Variants in RAG2 observed in about 807,000 individuals in gnomAD.
The protein encoded by RAG2 is V(D)J recombination-activating protein 2.
RAG2 carries 16 observed loss-of-function variants against 31.8 expected under a neutral mutation model. The observed-to-expected ratio is 0.50, with a 90% CI of 0.34 to 0.76. RAG2 has a LOEUF of 0.76. RAG2 is among the 30% of genes least tolerant of loss of function. RAG2 has a pLI of 0.01. For missense variants in RAG2, 622 were observed against 628.5 expected (o/e 0.99, Z 0.11); for synonymous variants, 199 against 215.9 (o/e 0.92, Z 0.68).
chr11:36,597,219 T>C (rs1851305100), intron 1 of RAG2, among the ~76,000 whole-genome samples: 1 of 152,220 alleles, frequency 6.6e-6, no homozygotes, highest in Non-Finnish European at 1.5e-5. Context: ...CTTTATCAAC[T>C]TGAATATATT....
chr11:36,593,304 T>C lies in RAG2; in HGVS notation c.865A>G (p.Ile289Val). ...ATCTTGTTGTCCTCTAAAGAGATGA[T>C]GTTGCAGATCATTCTTTTTTGATTT... is the stretch of plus-strand genomic sequence containing the variant. ...LENQKRMICN[I>V]ISLEDNKIEI... Residue 289 changes from isoleucine (I) to valine (V), a missense_variant, in exon 2 of 2, where the codon ATC becomes GTC. Ile to Val is a conservative substitution (Grantham distance 29). Transcript: ENST00000311485. The C allele has an allele frequency of 6.2e-7, 1 of 1,614,160 alleles. No individual in the cohort carries two copies. The highest frequency in any genetic ancestry group is 8.5e-7 in the Non-Finnish European group (1 of 1,180,014).
At position 36,593,064 on chromosome 11, in the gene RAG2, T is replaced by C; in HGVS notation, c.1105A>G (p.Thr369Ala). 6.2e-7 allele frequency: 1 copy of C among 1,614,212 alleles called. No individual in the cohort carries two copies. The highest frequency in any genetic ancestry group is 8.5e-7 in the Non-Finnish European group (1 of 1,180,018). The change falls in exon 2 of 2, where the codon ACA becomes GCA. Residue 369 changes from threonine to alanine, a missense_variant. Physicochemically the swap from Thr to Ala is moderately conservative, Grantham distance 58. Coordinates refer to ENST00000311485, the MANE Select transcript of RAG2 (RefSeq NM_000536.4). Reference protein sequence around the residue: ...QTTFTNSQTSTEDPGDSTPFE... With the variant: ...QTTFTNSQTSAEDPGDSTPFE... ...GGAGTGGAATCCCCTGGATCTTCTG[T>C]TGATGTTTGACTGTTTGTGAATGTT...
chr11:36,594,040 A>G lies in RAG2; in HGVS notation c.129T>C (p.Thr43=). The stretch of plus-strand genomic sequence containing the variant: ...GCTTTACATCCAGATGGAAAACTCC[A>G]GTGGGGCAGGATCTTTTGGGCCAGC... ...QKGWPKRSCP[T]GVFHLDVKHN... Residue 43 remains threonine (T), a synonymous_variant, in exon 2 of 2, where the codon ACT becomes ACC. Coordinates refer to ENST00000311485, the MANE Select transcript of RAG2 (RefSeq NM_000536.4). The G allele has an allele frequency of 1.2e-6, 2 of 1,614,190 alleles. No individual in the cohort carries two copies. Among genetic ancestry groups the G allele is most frequent in the South Asian group, 2.2e-5 (2 of 91,090 alleles).
intron 1 of RAG2, 172 bp from the exon 2 acceptor site, chr11:36,594,367 C>A: frequency 1.6e-6 from 1 of 608,898 alleles, no homozygotes; most frequent in South Asian, 2.0e-5. Flanking sequence ...ACCTTTACTG[C>A]CATTCCATCC....
downstream of RAG2, among the ~76,000 whole-genome samples, chr11:36,591,115 T>C (rs1300513238): frequency 1.3e-5 from 2 of 152,244 alleles, no homozygotes; most frequent in East Asian, 3.9e-4. Context: ...ATATAGGTGA[T>C]GGAAACAACA....
At chr11:36,591,248 T>C (rs944031324), downstream of RAG2, among the ~76,000 whole-genome samples, 1 of 152,172 alleles carries the variant, frequency 6.6e-6, no homozygotes, top group African/African-American at 2.4e-5. Flanking sequence ...CATGGAACTT[T>C]CAGCAGAAGA....
Position 36,593,077 on chromosome 11 carries a change from G to A in RAG2, c.1092C>T (p.Asn364=). 1.2e-6 allele frequency: 2 copies of A among 1,614,046 alleles called. No homozygotes were observed. The highest frequency in any genetic ancestry group is 8.5e-7 in the Non-Finnish European group (1 of 1,179,912). ...CTGGATCTTCTGTTGATGTTTGACT[G>A]TTTGTGAATGTTGTCTGCTCTTCAT... ...DTNEEQTTFT[N]SQTSTEDPGD... Residue 364 remains asparagine (N), a synonymous_variant, in exon 2 of 2, where the codon AAC becomes AAT. Coordinates refer to ENST00000311485, the MANE Select transcript of RAG2 (RefSeq NM_000536.4).
intron 1 of RAG2, chr11:36,597,589 A>G (rs1460212861): frequency 1.3e-5 from 2 of 152,202 alleles, no homozygotes; most frequent in East Asian, 3.9e-4. Context: ...GACTCATAGT[A>G]TGAGGTCTGG....
chr11:36,594,512 T>C, intron 1 of RAG2: 1 of 317,630 alleles, frequency 3.1e-6, no homozygotes, highest in Non-Finnish European at 5.9e-6. Context: ...CTCTCTGGGA[T>C]GTGTAGCTTT....
In RAG2 at chr11:36,592,578, T is replaced by C. The variant is rs752922147; in HGVS notation, c.*7A>G. On this transcript the variant is annotated 3_prime_UTR_variant, in exon 2 of 2. Transcript: ENST00000311485. ...CATACACCTGAATCTGAAAGGCTTTTGCAAAACTAATCAAACAACCTTCTA... is the reference window on the plus strand; with the variant it reads ...CATACACCTGAATCTGAAAGGCTTTCGCAAAACTAATCAAACAACCTTCTA... 6.2e-7 allele frequency: 1 copy of C among 1,613,752 alleles called. No homozygotes were observed. Among genetic ancestry groups the C allele is most frequent in the South Asian group, 1.1e-5 (1 of 91,072 alleles).
Position 36,593,095 on chromosome 11 carries a change from C to T in RAG2, c.1074G>A (p.Glu358=), listed in dbSNP as rs557047531. Residue 358 remains glutamate (E), a synonymous_variant, in exon 2 of 2, where the codon GAG becomes GAA. Coordinates refer to ENST00000311485, the MANE Select transcript of RAG2 (RefSeq NM_000536.4). ...TTTGACTGTTTGTGAATGTTGTCTG[C>T]TCTTCATTAGTATCATCTTCAGCAC... is the stretch of plus-strand genomic sequence containing the variant. ...LKCAEDDTNE[E]QTTFTNSQTS... is the part of the protein sequence containing the mutation. 8.7e-5 allele frequency: 140 copies of T among 1,614,052 alleles called. 1 individual carries two copies. In the South Asian group the frequency reaches 1.4e-3, roughly 16 times the overall value.
Position 36,593,854 on chromosome 11 carries a change from A to G in RAG2, c.315T>C (p.Asp105=). ...AAACAATAGACATGACATAAATCTT[A>G]TCTGAAACCTCATTGTTTGGTGTTT... ...GGKTPNNEVS[D]KIYVMSIVCK... is the part of the protein sequence containing the mutation. Residue 105 remains aspartate (D), a synonymous_variant, in exon 2 of 2, where the codon GAT becomes GAC. Transcript: ENST00000311485. The G allele has an allele frequency of 6.2e-7, 1 of 1,614,208 alleles. No homozygotes were observed. Among genetic ancestry groups the G allele is most frequent in the Non-Finnish European group, 8.5e-7 (1 of 1,180,028 alleles).
Position 36,593,540 on chromosome 11 carries a change from A to G in RAG2, c.629T>C (p.Ile210Thr), listed in dbSNP as rs1590715754. 1.1e-5 allele frequency: 18 copies of G among 1,614,174 alleles called. No individual in the cohort carries two copies. Among genetic ancestry groups the G allele is most frequent in the Non-Finnish European group, 1.4e-5 (17 of 1,180,032 alleles). ...LQDGLSFHVS[I>T]AKNDTIYILG... ...AATATAGATGGTGTCATTTTTGGCA[A>G]TAGAGACATGAAAAGATAGCCCATC... The change falls in exon 2 of 2, where the codon ATT becomes ACT. Residue 210 changes from isoleucine to threonine, a missense_variant. Coordinates refer to ENST00000311485, the MANE Select transcript of RAG2 (RefSeq NM_000536.4).
At chr11:36,597,485 T>C (rs1224365970) in intron 1 of RAG2, among the ~76,000 whole-genome samples, 1 of 152,204 alleles carries the variant, frequency 6.6e-6, no homozygotes, top group Non-Finnish European at 1.5e-5. Context: ...CCAATAAATA[T>C]ATACAATTTT....
chr11:36,593,696 C>A lies in RAG2; in HGVS notation c.473G>T (p.Gly158Val). 2 of 1,614,110 alleles carry A rather than the reference C, an allele frequency of 1.2e-6. No homozygotes were observed. The highest frequency in any genetic ancestry group is 1.7e-6 in the Non-Finnish European group (2 of 1,179,982). ...GTGGGTAGAAGGCATGTATGAGCGT[C>A]CTCCAAAGAGAACACCCATACTTTT... ...RGKSMGVLFG[G>V]RSYMPSTHRT... The change falls in exon 2 of 2, where the codon GGA (glycine) becomes GTA (valine). Residue 158 changes from glycine to valine, a missense_variant. Transcript: ENST00000311485.
At position 36,592,718 on chromosome 11, in the gene RAG2, A is replaced by G. The variant is rs1851046086; in HGVS notation, c.1451T>C (p.Ile484Thr). 6.2e-7 allele frequency: 1 copy of G among 1,607,914 alleles called. No homozygotes were observed. The highest frequency in any genetic ancestry group is 1.4e-5 in the African/African-American group (1 of 73,236). Residue 484 changes from isoleucine to threonine, a missense_variant, in exon 2 of 2, where the codon ATA (isoleucine) becomes ACA (threonine). Coordinates refer to ENST00000311485, the MANE Select transcript of RAG2 (RefSeq NM_000536.4). ...NKYYCNEHVE[I>T]ARALHTPQRV... ...TTGGGGAGTGTGTAGAGCTCTTGCT[A>G]TCTCCACATGCTCATTGCAGTAATA...
downstream of RAG2, among the ~76,000 whole-genome samples, chr11:36,591,587 C>T (rs1851021376): frequency 7.1e-6 from 1 of 141,070 alleles, no homozygotes; most frequent in African/African-American, 2.8e-5. Flanking sequence ...CAGCAATCTC[C>T]ACATGTTAAC....
rs780078535 is a variant in RAG2 at position 36,593,157 on chromosome 11, CT to C, written c.1011del (p.Val338LeufsTer11). On this transcript the variant is annotated frameshift_variant, in exon 2 of 2. Coordinates refer to ENST00000311485, the MANE Select transcript of RAG2 (RefSeq NM_000536.4). LOFTEE classifies it high-confidence loss of function. ...TAGAAATAGAATCCTTCTGAAACAA[CT>C]TGTTTATTGTCTCCTGGTATGCCAA... ...VFLGIPGDNK[Q>X]VVSEGFYFYM... 6.2e-7 allele frequency: 1 copy of C among 1,614,160 alleles called. No homozygotes were observed. The highest frequency in any genetic ancestry group is 1.7e-5 in the Admixed American group (1 of 60,018).
In RAG2 at chr11:36,594,219, G is replaced by T; in HGVS notation, c.-27-24C>A. The stretch of plus-strand genomic sequence containing the variant: ...GTCTGAAAGAATTATAAAATAAAAT[G>T]ACTTAGAGATCGCTTCATATAATCA... On this transcript the variant is annotated intron_variant, in intron 1 of 1. Coordinates refer to ENST00000311485, the MANE Select transcript of RAG2 (RefSeq NM_000536.4). 3 of 1,381,758 alleles carry T rather than the reference G, an allele frequency of 2.2e-6. No individual in the cohort carries two copies. In the South Asian group the frequency reaches 3.5e-5, roughly 16 times the overall value. The allele number at this position is 1,381,758 out of a possible 1,614,324, so 85.6% of individuals were successfully genotyped here.
Sources: gnomAD v4.1 joint callset for allele counts (sites outside exome capture counted in the v4.1 genomes callset) on GRCh38, gnomAD v4.1.1 for gene constraint, MANE v1.5 for transcripts, NCBI Gene and HGNC (gene_info 2026-07-23, HGNC 2026-07-21) for gene names.